GALK2: variants seen among roughly 807,000 people sequenced by gnomAD.
GALK2 encodes the protein galactokinase 2, also known as N-acetylgalactosamine kinase.
GALK2 carries 36 observed loss-of-function variants against 52.4 expected under a neutral mutation model. That is an observed-to-expected ratio of 0.69 (90% CI 0.53 to 0.91). GALK2 has a LOEUF of 0.91. Among genes scored for constraint, GALK2 ranks in the 40% least tolerant of loss-of-function variants. The probability of loss-of-function intolerance (pLI) is 0.00; values close to 1 mark genes in which losing one functional copy is unlikely to be tolerated. For missense variants in GALK2, 579 were observed against 559.1 expected (o/e 1.04, Z -0.36); for synonymous variants, 176 against 199.1 (o/e 0.88, Z 0.98).
chr15:49,200,941 G>A (rs976291748), intron 1 of GALK2, among the ~76,000 whole-genome samples: 11 of 152,108 alleles, frequency 7.2e-5, no homozygotes, highest in South Asian at 2.1e-4. Flanking sequence ...CTATACTTTT[G>A]TGCCATTTAG....
At chr15:49,297,177 T>C (rs1369133307) in intron 8 of GALK2, among the ~76,000 whole-genome samples, 1 of 152,214 alleles carries the variant, frequency 6.6e-6, no homozygotes, top group African/African-American at 2.4e-5. Context: ...ATTTCTGTAA[T>C]GATTAGATAT....
chr15:49,303,319 A>AT (rs1378970166), intron 8 of GALK2, among the ~76,000 whole-genome samples: 3 of 152,226 alleles, frequency 2.0e-5, no homozygotes, highest in Non-Finnish European at 4.4e-5. Flanking sequence ...GCACGGCATC[A>AT]TAAAACTTGC....
chr15:49,334,850 C>A (rs1160883523), downstream of GALK2, among the ~76,000 whole-genome samples: 2 of 152,124 alleles, frequency 1.3e-5, no homozygotes, highest in African/African-American at 2.4e-5. Context: ...AGAACTGGAC[C>A]CTGCCCATTT....
In GALK2 at chr15:49,337,508, C is replaced by CTTTTT. The variant is rs33973907; in HGVS notation, c.426+17726_426+17730dup. Reference sequence around the variant, plus strand: ...AATGTCTGTTCATATCATTTACCCACTTTTTTTTTTTTTTTTTTTTTTTTT... The same window carrying CTTTTT: ...AATGTCTGTTCATATCATTTACCCACTTTTTTTTTTTTTTTTTTTTTTTTTTTTTT... On this transcript the variant is annotated intron_variant, in intron 3 of 3. Coordinates refer to the GALK2 transcript ENST00000558399. Among the ~76,000 whole-genome samples the CTTTTT allele has an allele frequency of 3.0e-4, 11 of 36,084 alleles. 3 individuals are homozygous for CTTTTT. Among genetic ancestry groups the CTTTTT allele is most frequent in the African/African-American group, 1.2e-3 (10 of 8,142 alleles). The allele number at this position is 36,084 out of a possible 152,430, so 23.7% of individuals were successfully genotyped here. A position where few individuals can be genotyped will look rare whatever the true frequency, so the allele number is the denominator to read the frequency against.
chr15:49,178,261 A>C (rs1390032755), intron 1 of GALK2: 2 of 132,136 alleles, frequency 1.5e-5, no homozygotes, highest in African/African-American at 5.6e-5. Context: ...TATATGTATA[A>C]ATAAAAATAT....
chr15:49,258,618 G>A (rs1017056923), intron 5 of GALK2, among the ~76,000 whole-genome samples: 18 of 152,032 alleles, frequency 1.2e-4, no homozygotes, highest in Admixed American at 1.2e-3. Context: ...GAGAGTTAAA[G>A]TATGTAACTC....
intron 1 of GALK2, chr15:49,195,095 G>T (rs950718143): frequency 2.2e-6 from 1 of 451,920 alleles, no homozygotes; most frequent in Non-Finnish European, 4.4e-6. Context: ...ATGGAGTCTC[G>T]CTCTGTCACC....
chr15:49,228,003 G>A (rs1214700934), intron 3 of GALK2, among the ~76,000 whole-genome samples: 1 of 151,994 alleles, frequency 6.6e-6, no homozygotes, highest in East Asian at 1.9e-4. Flanking sequence ...TAGTATCCTT[G>A]GCTGCCAGTC....
intron 8 of GALK2, among the ~76,000 whole-genome samples, chr15:49,294,393 G>A (rs1473064381): frequency 1.3e-5 from 2 of 152,134 alleles, no homozygotes; most frequent in African/African-American, 4.8e-5. Flanking sequence ...AATGTACATA[G>A]TAGAGAATGA....
At chr15:49,321,049 G>C (rs748068912) in intron 9 of GALK2, among the ~76,000 whole-genome samples, 49 of 152,166 alleles carry the variant, frequency 3.2e-4, no homozygotes, top group Admixed American at 1.1e-3. Context: ...TTACATTCTC[G>C]TGGGGAAAGA....
upstream of GALK2, among the ~76,000 whole-genome samples, chr15:49,166,550 C>G (rs2084829074): frequency 1.3e-5 from 2 of 152,072 alleles, no homozygotes; most frequent in African/African-American, 4.8e-5. Context: ...GAAACCCCAT[C>G]TCTACTAAAA....
intron 2 of GALK2, among the ~76,000 whole-genome samples, chr15:49,216,941 G>A (rs544612107): frequency 1.1e-4 from 16 of 152,070 alleles, no homozygotes; most frequent in Middle Eastern, 3.2e-3. Context: ...TTAAAACCAG[G>A]TACTGTGATT....
intron 5 of GALK2, among the ~76,000 whole-genome samples, chr15:49,280,162 CAATT>C (rs2141749858): frequency 6.6e-6 from 1 of 152,260 alleles, no homozygotes; most frequent in African/African-American, 2.4e-5. Context: ...AAACAATTAA[CAATT>C]AAGGAGCAAT....
chr15:49,164,937 A>G (rs1404250008), intron 1 of GALK2, among the ~76,000 whole-genome samples: 4 of 152,128 alleles, frequency 2.6e-5, no homozygotes, highest in East Asian at 3.9e-4. Flanking sequence ...TGTTTCTCAG[A>G]TTTCATTTTG....
At chr15:49,347,675 T>TA (rs763634779) in intron 3 of GALK2, among the ~76,000 whole-genome samples, 10 of 152,262 alleles carry the variant, frequency 6.6e-5, no homozygotes, top group Non-Finnish European at 1.0e-4. Context: ...GCTACTTTGT[T>TA]AAAGAAGTCA....
chr15:49,324,267 T>C (rs371967366), intron 9 of GALK2, among the ~76,000 whole-genome samples: 35 of 152,292 alleles, frequency 2.3e-4, no homozygotes, highest in African/African-American at 8.2e-4. Context: ...CTTTCTGCAA[T>C]GTATTCCATG....
chr15:49,292,216 A>G, intron 7 of GALK2, 111 bp from the exon 8 acceptor site: 1 of 947,614 alleles, frequency 1.1e-6, no homozygotes, highest in East Asian at 2.4e-5. Flanking sequence ...ATAGGTTGAA[A>G]GGAAAACAAC....
chr15:49,328,274 T>C lies in GALK2; in HGVS notation c.*115T>C. The C allele has an allele frequency of 3.5e-6, 5 of 1,448,072 alleles. No individual in the cohort carries two copies. The highest frequency in any genetic ancestry group is 1.8e-6 in the Non-Finnish European group (2 of 1,101,304). The allele number at this position is 1,448,072 out of a possible 1,614,324, so 89.7% of individuals were successfully genotyped here. A position where few individuals can be genotyped will look rare whatever the true frequency, so the allele number is the denominator to read the frequency against. On this transcript the variant is annotated 3_prime_UTR_variant, in exon 10 of 10. Coordinates refer to ENST00000560031, the MANE Select transcript of GALK2 (RefSeq NM_002044.4). ...TTTGTATTATGATGAACGGTTGCTA[T>C]TATATCAAGATATATTTTCAAAGAA...
At chr15:49,162,359 T>C (rs2084682462) in intron 1 of GALK2, among the ~76,000 whole-genome samples, 1 of 152,248 alleles carries the variant, frequency 6.6e-6, no homozygotes. Flanking sequence ...TACATGGATA[T>C]ATTACAATTC....
Sources: gnomAD v4.1 joint callset for allele counts (sites outside exome capture counted in the v4.1 genomes callset) on GRCh38, gnomAD v4.1.1 for gene constraint, MANE v1.5 for transcripts, NCBI Gene and HGNC (gene_info 2026-07-23, HGNC 2026-07-21) for gene names.